CFAP100: variants seen among roughly 807,000 people sequenced by gnomAD.
The protein encoded by CFAP100 is cilia- and flagella-associated protein 100.
In CFAP100, 70 loss-of-function variants were observed where a neutral mutation model predicts 81.5. That is an observed-to-expected ratio of 0.86 (90% CI 0.71 to 1.05). The LOEUF (loss-of-function observed/expected upper bound fraction) is 1.05. Among genes scored for constraint, CFAP100 ranks in the 50% least tolerant of loss-of-function variants. CFAP100 has a pLI of 0.00. For missense variants in CFAP100, 811 were observed against 776.5 expected (o/e 1.04, Z -0.53); for synonymous variants, 341 against 314.8 (o/e 1.08, Z -0.88).
At chr3:126,435,998 C>T (rs1933430478) in intron 16 of CFAP100, among the ~76,000 whole-genome samples, 1 of 152,212 alleles carries the variant, frequency 6.6e-6, no homozygotes, top group African/African-American at 2.4e-5. Flanking sequence ...GGTCCCCCTA[C>T]TGCTGTGTCC....
At chr3:126,432,446 G>A (rs1030411304) in intron 13 of CFAP100, among the ~76,000 whole-genome samples, 4 of 152,136 alleles carry the variant, frequency 2.6e-5, no homozygotes, top group African/African-American at 7.2e-5. Flanking sequence ...CAACCCAAAT[G>A]CCCATCAATG....
chr3:126,418,680 C>T lies in CFAP100; in HGVS notation c.556C>T (p.Leu186=), dbSNP rs779596838. Residue 186 remains leucine (L), a synonymous_variant, in exon 7 of 17, where the codon CTG becomes TTG. Coordinates refer to ENST00000352312, the MANE Select transcript of CFAP100 (RefSeq NM_182628.3). ...GCTGGCGACCAAAGAGGAGGCCAGG[C>T]TGGAGCGGGCCGAGAAATCCCTGGA... ...ETLATKEEAR[L]ERAEKSLEKD... 1.9e-4 allele frequency: 304 copies of T among 1,580,814 alleles called. No homozygotes were observed. The highest frequency in any genetic ancestry group is 2.5e-4 in the Non-Finnish European group (297 of 1,165,392).
intron 7 of CFAP100, 46 bp downstream of exon 7, chr3:126,418,820 C>A: frequency 6.5e-7 from 1 of 1,528,246 alleles, no homozygotes; most frequent in Non-Finnish European, 8.8e-7. Flanking sequence ...GCCGAACCCC[C>A]ACTGTCCCTG....
rs1560061174 is a variant in CFAP100 at position 126,401,400 on chromosome 3, TATATATATATATATATATATATATATA to T, written c.49+5352_49+5378del. On this transcript the variant is annotated intron_variant, in intron 2 of 16. Transcript: ENST00000352312. ...GCATAAAATGGCAAATCGTATTTTA[TATATATATATATATATATATATATATA>T]TATATATATATATATAGTATTATGT... is the stretch of plus-strand genomic sequence containing the variant. Among the ~76,000 whole-genome samples the T allele has an allele frequency of 0.018, 744 of 40,988 alleles. 61 individuals carry two copies. In the East Asian group the frequency reaches 0.19, roughly 10 times the overall value. 26.9% of individuals were successfully genotyped at this position (40,988 alleles called of 152,430 possible).
intron 1 of CFAP100, 22 bp from the exon 2 acceptor site, chr3:126,395,920 C>G: frequency 3.2e-6 from 4 of 1,263,416 alleles, no homozygotes; most frequent in Non-Finnish European, 4.6e-6. Context: ...CCACCAGGCT[C>G]AAGCACTGTG....
intron 11 of CFAP100, 96 bp downstream of exon 11, chr3:126,420,325 G>T: frequency 6.6e-7 from 1 of 1,507,128 alleles, no homozygotes; most frequent in East Asian, 2.3e-5. Flanking sequence ...CCACAGAAAA[G>T]AAAGTGTGTT....
intron 13 of CFAP100, among the ~76,000 whole-genome samples, chr3:126,427,249 G>A (rs1932986028): frequency 6.6e-6 from 1 of 152,210 alleles, no homozygotes; most frequent in African/African-American, 2.4e-5. Context: ...CCAACCTCAA[G>A]ACTTAATAAA....
intron 4 of CFAP100, among the ~76,000 whole-genome samples, chr3:126,415,410 C>T (rs1032379724): frequency 2.7e-4 from 41 of 151,884 alleles, no homozygotes; most frequent in African/African-American, 9.4e-4. Context: ...CCAGCATCCA[C>T]CACTCACAAC....
intron 11 of CFAP100, among the ~76,000 whole-genome samples, chr3:126,421,487 G>A (rs1359884956): frequency 2.0e-5 from 3 of 152,122 alleles, no homozygotes; most frequent in East Asian, 1.9e-4. Flanking sequence ...GCTTTTTATC[G>A]GCTTGGATAA....
intron 4 of CFAP100, 65 bp from the exon 5 acceptor site, chr3:126,416,251 G>C: frequency 6.9e-7 from 1 of 1,440,386 alleles, no homozygotes; most frequent in South Asian, 1.3e-5. Flanking sequence ...ATGGGGAACC[G>C]CGCGGGGAGG....
chr3:126,432,027 T>A (rs528875052), intron 13 of CFAP100, among the ~76,000 whole-genome samples: 1 of 152,192 alleles, frequency 6.6e-6, no homozygotes, highest in African/African-American at 2.4e-5. Flanking sequence ...ACACCTGTAA[T>A]CCCAGCATTT....
intron 4 of CFAP100, among the ~76,000 whole-genome samples, chr3:126,415,806 G>T (rs915248360): frequency 4.6e-5 from 7 of 152,178 alleles, no homozygotes; most frequent in African/African-American, 1.7e-4. Context: ...TCCTCCGAAA[G>T]TTTTCTCCCA....
At position 126,395,942 on chromosome 3, in the gene CFAP100, G is replaced by A. The variant is rs1268513247; in HGVS notation, c.-59G>A. The A allele has an allele frequency of 1.4e-6, 2 of 1,439,156 alleles. No homozygotes were observed. Among genetic ancestry groups the A allele is most frequent in the East Asian group, 4.5e-5 (2 of 44,032 alleles). The allele number at this position is 1,439,156 out of a possible 1,614,324, so 89.1% of individuals were successfully genotyped here. A position where few individuals can be genotyped will look rare whatever the true frequency, so the allele number is the denominator to read the frequency against. ...GCTCAAGCACTGTGTCACTCCTCAG[G>A]TGAGGATCTCCTTTAGAAGAGGAGA... is the stretch of plus-strand genomic sequence containing the variant. On this transcript the variant is annotated splice_region_variant and 5_prime_UTR_variant, in exon 2 of 17. In the 5' UTR this introduces an upstream ATG that the reference lacks. Transcript: ENST00000352312.
chr3:126,398,728 G>C (rs934922797), intron 2 of CFAP100, among the ~76,000 whole-genome samples: 1 of 152,164 alleles, frequency 6.6e-6, no homozygotes, highest in Non-Finnish European at 1.5e-5. Flanking sequence ...AGCCTGGCCT[G>C]GTGGCCTCGT....
At chr3:126,422,087 G>A (rs2083340738) in intron 11 of CFAP100, among the ~76,000 whole-genome samples, 1 of 152,242 alleles carries the variant, frequency 6.6e-6, no homozygotes, top group Non-Finnish European at 1.5e-5. Context: ...GGGCCACTGA[G>A]TATAGCTGGG....
chr3:126,425,835 G>A (rs1053429754), intron 13 of CFAP100, among the ~76,000 whole-genome samples: 13 of 152,110 alleles, frequency 8.5e-5, no homozygotes. Context: ...ATAAGAAATA[G>A]CACTGAACAC....
chr3:126,433,474 G>A (rs1933313344), intron 14 of CFAP100: 2 of 407,692 alleles, frequency 4.9e-6, no homozygotes, highest in Non-Finnish European at 8.9e-6. Context: ...TGTCTGGCAA[G>A]GTGATCCTGA....
At chr3:126,416,079 C>A (rs1182104246) in intron 4 of CFAP100, among the ~76,000 whole-genome samples, 1 of 152,168 alleles carries the variant, frequency 6.6e-6, no homozygotes, top group Non-Finnish European at 1.5e-5. Context: ...GTCTGGAGTG[C>A]TCATCTGACC....
At chr3:126,419,472 G>A (rs554210123) in intron 8 of CFAP100, among the ~76,000 whole-genome samples, 165 bp from the exon 9 acceptor site, 1 of 152,298 alleles carries the variant, frequency 6.6e-6, no homozygotes, top group Admixed American at 6.5e-5. Flanking sequence ...TTGTTGCAGG[G>A]TGGGTGCCTG....
Sources: allele counts gnomAD v4.1 joint callset (sites outside exome capture counted in the v4.1 genomes callset), GRCh38; gene constraint gnomAD v4.1.1; transcripts MANE v1.5; gene names NCBI Gene and HGNC (gene_info 2026-07-23, HGNC 2026-07-21).